Variants in GRID2 observed in about 807,000 individuals in gnomAD.
GRID2 encodes glutamate ionotropic receptor delta type subunit 2, also known as glutamate receptor ionotropic, delta-2.
GRID2 carries 33 observed loss-of-function variants against 114.8 expected under a neutral mutation model. The observed-to-expected ratio is 0.29, with a 90% CI of 0.22 to 0.38. The LOEUF (loss-of-function observed/expected upper bound fraction) is 0.38, where lower values mean the gene tolerates loss of function less well. Among genes scored for constraint, GRID2 ranks in the 10% least tolerant of loss-of-function variants. GRID2 has a pLI of 1.00. For missense variants in GRID2, 1,184 were observed against 1,257.7 expected (o/e 0.94, Z 0.89); for synonymous variants, 505 against 449.9 (o/e 1.12, Z -1.55).
At chr4:92,798,248 A>T (rs1464791387) in intron 2 of GRID2, among the ~76,000 whole-genome samples, 3 of 152,052 alleles carry the variant, frequency 2.0e-5, no homozygotes, top group African/African-American at 7.2e-5. Flanking sequence ...CTTGCCTAAT[A>T]TCTAATAACT....
intron 1 of GRID2, among the ~76,000 whole-genome samples, chr4:92,527,669 TG>T (rs1725111498): frequency 1.3e-5 from 2 of 151,998 alleles, no homozygotes; most frequent in Non-Finnish European, 2.9e-5. Flanking sequence ...AAAATTCAAG[TG>T]TGAATTTTTC....
In GRID2 at chr4:92,688,375, C is replaced by T. The variant is rs138650783; in HGVS notation, c.244+98089C>T. On this transcript the variant is annotated intron_variant, in intron 2 of 15. Transcript: ENST00000282020. ...AACTCTTCTTTCACAAAAGATTTCT[C>T]TGTAGCGTATAATGCTGTCTGATGG... Among the ~76,000 whole-genome samples, 371 of 152,158 alleles carry T rather than the reference C, an allele frequency of 2.4e-3. 2 individuals carry two copies. The highest frequency in any genetic ancestry group is 8.7e-3 in the African/African-American group (363 of 41,512).
At chr4:92,854,790 A>C (rs1744063401) in intron 2 of GRID2, among the ~76,000 whole-genome samples, 1 of 152,046 alleles carries the variant, frequency 6.6e-6, no homozygotes. Context: ...ATAATAAAAA[A>C]ATTTAGAAAG....
rs145692130 is a variant in GRID2, at chr4:92,894,386, T to C, written c.245-190609T>C. Among the ~76,000 whole-genome samples the C allele has an allele frequency of 2.7e-3, 406 of 152,302 alleles. 5 individuals carry two copies. The highest frequency in any genetic ancestry group is 9.4e-3 in the African/African-American group (392 of 41,584). ...GCATTTGTATGAATGTTTAGTGTTA[T>C]CTTGAATGGCCAGGAGGATAGACTA... is the stretch of plus-strand genomic sequence containing the variant. On this transcript the variant is annotated intron_variant, in intron 2 of 15. Coordinates refer to ENST00000282020, the MANE Select transcript of GRID2 (RefSeq NM_001510.4).
intron 8 of GRID2, among the ~76,000 whole-genome samples, chr4:93,391,398 T>A (rs1056479253): frequency 6.6e-6 from 1 of 152,184 alleles, no homozygotes; most frequent in Non-Finnish European, 1.5e-5. Flanking sequence ...GGCTTTTTGT[T>A]CCCTCTTTTT....
At chr4:93,104,344 A>G (rs1474087356) in intron 3 of GRID2, among the ~76,000 whole-genome samples, 1 of 152,144 alleles carries the variant, frequency 6.6e-6, no homozygotes. Context: ...TTTAGGGTAC[A>G]TGTGCACAAT....
chr4:93,075,273 C>A (rs1729156843), intron 2 of GRID2, among the ~76,000 whole-genome samples: 1 of 152,132 alleles, frequency 6.6e-6, no homozygotes, highest in African/African-American at 2.4e-5. Flanking sequence ...TAACTCTGAA[C>A]AGCTCTATTC....
At chr4:93,255,427 A>G (rs1326983562) in intron 8 of GRID2, among the ~76,000 whole-genome samples, 4 of 152,070 alleles carry the variant, frequency 2.6e-5, no homozygotes, top group African/African-American at 9.7e-5. Flanking sequence ...TAAAGGAGAA[A>G]ACGTTTTTGT....
intron 2 of GRID2, among the ~76,000 whole-genome samples, chr4:92,851,442 T>G (rs2149423002): frequency 6.6e-6 from 1 of 152,082 alleles, no homozygotes; most frequent in South Asian, 2.1e-4. Flanking sequence ...TTGTAGTTAT[T>G]TCTTATCAGG....
intron 2 of GRID2, among the ~76,000 whole-genome samples, chr4:92,750,676 T>C (rs553188091): frequency 1.3e-5 from 2 of 152,218 alleles, no homozygotes; most frequent in Non-Finnish European, 2.9e-5. Context: ...ATGCTTGTTC[T>C]GTAACCTTAA....
intron 2 of GRID2, among the ~76,000 whole-genome samples, chr4:92,677,823 T>C (rs1733452476): frequency 6.6e-6 from 1 of 152,186 alleles, no homozygotes; most frequent in South Asian, 2.1e-4. Context: ...GCTTTCTACC[T>C]GATTTCATTA....
intron 1 of GRID2, among the ~76,000 whole-genome samples, chr4:92,455,225 A>G (rs1721145385): frequency 6.6e-6 from 1 of 152,196 alleles, no homozygotes; most frequent in South Asian, 2.1e-4. Flanking sequence ...GTTTTAATGC[A>G]TCTATTGAGC....
At chr4:93,594,826 T>C (rs1235140122) in intron 13 of GRID2, among the ~76,000 whole-genome samples, 1 of 152,136 alleles carries the variant, frequency 6.6e-6, no homozygotes, top group Non-Finnish European at 1.5e-5. Context: ...CCAGGTGCCG[T>C]CCATCACCCC....
chr4:93,701,900 C>A (rs1727543788), intron 14 of GRID2, among the ~76,000 whole-genome samples: 2 of 151,922 alleles, frequency 1.3e-5, no homozygotes, highest in Non-Finnish European at 1.5e-5. Context: ...TGTACAAAAG[C>A]AACCTACATA....
At chr4:93,069,902 A>G (rs1220478740) in intron 2 of GRID2, among the ~76,000 whole-genome samples, 1 of 152,084 alleles carries the variant, frequency 6.6e-6, no homozygotes, top group Admixed American at 6.6e-5. Context: ...CTTTTCTCTG[A>G]AAGCAACAGA....
At chr4:92,527,423 T>C (rs186930278) in intron 1 of GRID2, among the ~76,000 whole-genome samples, 1 of 152,254 alleles carries the variant, frequency 6.6e-6, no homozygotes, top group African/African-American at 2.4e-5. Flanking sequence ...CTGTGTTATA[T>C]ATATGTAACT....
intron 14 of GRID2, among the ~76,000 whole-genome samples, chr4:93,664,631 A>C (rs1294145306): frequency 6.6e-6 from 1 of 152,154 alleles, no homozygotes; most frequent in African/African-American, 2.4e-5. Flanking sequence ...GGCCTACAGG[A>C]AGAATATTTT....
At chr4:92,328,758 A>G (rs1187113628) in intron 1 of GRID2, among the ~76,000 whole-genome samples, 1 of 152,082 alleles carries the variant, frequency 6.6e-6, no homozygotes, top group East Asian at 1.9e-4. Flanking sequence ...TTCGGAATAA[A>G]TTTAAAAAGC....
At chr4:92,932,638 A>G (rs919111531) in intron 2 of GRID2, among the ~76,000 whole-genome samples, 10 of 151,460 alleles carry the variant, frequency 6.6e-5, no homozygotes, top group African/African-American at 2.2e-4. Context: ...TTTAATTCAT[A>G]TTAGCCAGTA....
Sources: gnomAD v4.1 joint callset for allele counts (sites outside exome capture counted in the v4.1 genomes callset) on GRCh38, gnomAD v4.1.1 for gene constraint, MANE v1.5 for transcripts, NCBI Gene and HGNC (gene_info 2026-07-23, HGNC 2026-07-21) for gene names.